Variants in RSU1 observed in about 807,000 individuals in gnomAD.
RSU1 encodes the protein rsu-1.
RSU1 carries 26 observed loss-of-function variants against 31.1 expected under a neutral mutation model. That is an observed-to-expected ratio of 0.84 (90% confidence interval 0.61 to 1.16). RSU1 has a LOEUF of 1.16. Ranked by LOEUF, RSU1 falls within the 50% of genes most tolerant of loss-of-function variation. RSU1 has a pLI of 0.00. For synonymous variants in RSU1, 164 were observed against 136.3 expected (o/e 1.20, Z -1.41); for missense variants, 320 against 339.1 (o/e 0.94, Z 0.44).
At chr10:16,631,312 C>A (rs908647970) in intron 8 of RSU1, among the ~76,000 whole-genome samples, 15 of 152,172 alleles carry the variant, frequency 9.9e-5, no homozygotes, top group African/African-American at 3.6e-4. Flanking sequence ...ATGATTTAAG[C>A]CACAAATAAG....
rs185398779 is a variant in RSU1 at position 16,762,804 on chromosome 10, A to G, written c.281+1586T>C. Among the ~76,000 whole-genome samples, 566 of 152,200 alleles carry G rather than the reference A, an allele frequency of 3.7e-3. 4 individuals are homozygous for G. The highest frequency in any genetic ancestry group is 0.013 in the African/African-American group (543 of 41,534). ...GCGGAGGCAGACGGACATGAGGTCAAGAGATTGAGACCATCCTGGCCAACA... is the reference window on the plus strand; with the variant it reads ...GCGGAGGCAGACGGACATGAGGTCAGGAGATTGAGACCATCCTGGCCAACA... On this transcript the variant is annotated intron_variant, in intron 4 of 8. Transcript: ENST00000345264.
At chr10:16,646,783 T>A (rs1364443538) in intron 8 of RSU1, among the ~76,000 whole-genome samples, 3 of 152,152 alleles carry the variant, frequency 2.0e-5, no homozygotes, top group African/African-American at 4.8e-5. Context: ...ATGGATAAGA[T>A]GTCCAGCATC....
chr10:16,708,028 G>T (rs1326593006), intron 7 of RSU1, among the ~76,000 whole-genome samples: 1 of 152,028 alleles, frequency 6.6e-6, no homozygotes. Flanking sequence ...TTGGCTATAG[G>T]TATGTAAATT....
chr10:16,725,281 A>C (rs908825470), intron 7 of RSU1, among the ~76,000 whole-genome samples: 1 of 152,232 alleles, frequency 6.6e-6, no homozygotes, highest in African/African-American at 2.4e-5. Flanking sequence ...TTAAGTGGGC[A>C]ACTCAAGTTA....
chr10:16,739,054 T>C (rs1366161520), intron 7 of RSU1, among the ~76,000 whole-genome samples: 4 of 152,228 alleles, frequency 2.6e-5, no homozygotes, highest in African/African-American at 7.2e-5. Context: ...TTCTTTTTTA[T>C]GGCTGCATAG....
At chr10:16,632,335 AC>A (rs1199579393) in intron 8 of RSU1, among the ~76,000 whole-genome samples, 2 of 152,144 alleles carry the variant, frequency 1.3e-5, no homozygotes, top group African/African-American at 4.8e-5. Context: ...TATTGAAAAA[AC>A]AAGGCCTTTT....
At chr10:16,779,392 C>G (rs1370139267) in intron 3 of RSU1, among the ~76,000 whole-genome samples, 1 of 152,168 alleles carries the variant, frequency 6.6e-6, no homozygotes, top group Non-Finnish European at 1.5e-5. Flanking sequence ...GTAGACATGT[C>G]AAGGCCAAAA....
At chr10:16,722,261 T>A (rs1397134822) in intron 7 of RSU1, among the ~76,000 whole-genome samples, 1 of 152,202 alleles carries the variant, frequency 6.6e-6, no homozygotes, top group Non-Finnish European at 1.5e-5. Context: ...CAGTACTATC[T>A]GCAGGTTCAG....
intron 8 of RSU1, among the ~76,000 whole-genome samples, chr10:16,652,559 AAC>A (rs754335619): frequency 7.9e-5 from 12 of 151,214 alleles, no homozygotes; most frequent in African/African-American, 1.2e-4. Context: ...TATACACACA[AAC>A]ACACACACAC....
chr10:16,642,549 G>C (rs528181622), intron 8 of RSU1, among the ~76,000 whole-genome samples: 9 of 152,222 alleles, frequency 5.9e-5, no homozygotes, highest in African/African-American at 1.9e-4. Context: ...ATCCAGGATG[G>C]CATGTCTTTT....
intron 2 of RSU1, among the ~76,000 whole-genome samples, chr10:16,815,677 T>C (rs999570127): frequency 6.6e-6 from 1 of 152,070 alleles, no homozygotes; most frequent in African/African-American, 2.4e-5. Flanking sequence ...GACTTCTAGA[T>C]TAAAAAAGAA....
intron 7 of RSU1, among the ~76,000 whole-genome samples, chr10:16,723,706 C>G (rs1261447519): frequency 6.6e-6 from 1 of 152,126 alleles, no homozygotes; most frequent in South Asian, 2.1e-4. Flanking sequence ...GGTGTCAGGG[C>G]TAACACAGGA....
intron 7 of RSU1, among the ~76,000 whole-genome samples, chr10:16,695,488 T>C (rs1163409373): frequency 6.6e-6 from 1 of 152,196 alleles, no homozygotes; most frequent in African/African-American, 2.4e-5. Flanking sequence ...TAAAATTCTA[T>C]CTTGACCATG....
At chr10:16,620,620 C>A (rs1005036832) in intron 8 of RSU1, among the ~76,000 whole-genome samples, 1 of 150,924 alleles carries the variant, frequency 6.6e-6, no homozygotes, top group Non-Finnish European at 1.5e-5. Flanking sequence ...CCGAGGCGGG[C>A]GGATCATGAA....
intron 7 of RSU1, among the ~76,000 whole-genome samples, chr10:16,710,958 T>A (rs1429521520): frequency 6.6e-6 from 1 of 152,182 alleles, no homozygotes; most frequent in Non-Finnish European, 1.5e-5. Context: ...AAAATGATGG[T>A]TTCCAGCTTC....
At chr10:16,636,591 G>A (rs911079934) in intron 8 of RSU1, among the ~76,000 whole-genome samples, 1 of 152,056 alleles carries the variant, frequency 6.6e-6, no homozygotes, top group African/African-American at 2.4e-5. Flanking sequence ...CTCTGATCTT[G>A]TCACTCTTTT....
At chr10:16,724,411 C>A (rs1005695547) in intron 7 of RSU1, among the ~76,000 whole-genome samples, 1 of 152,202 alleles carries the variant, frequency 6.6e-6, no homozygotes, top group African/African-American at 2.4e-5. Flanking sequence ...TACAGGGAAA[C>A]TGGACCAAAA....
Position 16,780,290 on chromosome 10 carries a change from C to T in RSU1, c.160+1744G>A, listed in dbSNP as rs965503171. Among the ~76,000 whole-genome samples, 5 of 152,150 alleles carry T rather than the reference C, an allele frequency of 3.3e-5. No homozygotes were observed. The South Asian group carries it at 1.0e-3, about 32-fold the overall frequency. Reference sequence around the variant, plus strand: ...TCTTCCTGTTGGAGACAGGGTCTACCTCTGTCGTCCAGGCTGCAGAGCAGG... The same window carrying T: ...TCTTCCTGTTGGAGACAGGGTCTACTTCTGTCGTCCAGGCTGCAGAGCAGG... On this transcript the variant is annotated intron_variant, in intron 3 of 8. Transcript: ENST00000345264.
At chr10:16,697,955 T>A (rs902054100) in intron 7 of RSU1, among the ~76,000 whole-genome samples, 1 of 147,396 alleles carries the variant, frequency 6.8e-6, no homozygotes. Flanking sequence ...GCTTTTAACA[T>A]CTGGTTCAGA....
Sources: allele counts gnomAD v4.1 joint callset (sites outside exome capture counted in the v4.1 genomes callset), GRCh38; gene constraint gnomAD v4.1.1; transcripts MANE v1.5; gene names NCBI Gene and HGNC (gene_info 2026-07-23, HGNC 2026-07-21).